Variants in CADPS observed in about 807,000 individuals in gnomAD.
CADPS encodes the protein calcium dependent secretion activator, also known as calcium-dependent secretion activator 1.
CADPS carries 57 observed loss-of-function variants against 167.3 expected under a neutral mutation model. The ratio of observed to expected loss-of-function variants is 0.34; its 90% CI spans 0.28 to 0.42. The LOEUF is 0.42. CADPS is among the 20% of genes least tolerant of loss of function. CADPS has a pLI of 1.00. For missense variants in CADPS, 1,414 were observed against 1,738.1 expected (o/e 0.81, Z 3.32); for synonymous variants, 676 against 635.3 (o/e 1.06, Z -0.96).
intron 1 of CADPS, among the ~76,000 whole-genome samples, chr3:62,859,345 G>A (rs938471478): frequency 6.6e-6 from 1 of 152,106 alleles, no homozygotes; most frequent in African/African-American, 2.4e-5. Context: ...CAAGCAAATG[G>A]AGGCGGGAAC....
intron 18 of CADPS, among the ~76,000 whole-genome samples, chr3:62,494,669 A>ATTTTTTTTTTTTTT (rs56153630): frequency 1.0e-4 from 12 of 118,606 alleles, no homozygotes; most frequent in African/African-American, 3.1e-4. Context: ...CTTACCAGCA[A>ATTTTTTTTTTTTTT]TTTTTTTTTT....
rs1396368108 is a variant in CADPS at position 62,533,208 on chromosome 3, G to A, written c.2104-150C>T. ...TATTATGTGCCAGCCACTGTGCACA[G>A]CATATTGCGGTTTAGTCCTCACAGT... On this transcript the variant is annotated intron_variant, in intron 12 of 29. Transcript: ENST00000383710. 12 of 629,360 alleles carry A rather than the reference G, an allele frequency of 1.9e-5. No homozygotes were observed. In the Admixed American group the frequency reaches 3.5e-4, roughly 18 times the overall value. The allele number at this position is 629,360 out of a possible 1,614,324, so 39.0% of individuals were successfully genotyped here.
chr3:62,685,917 T>A (rs2077949918), intron 3 of CADPS, among the ~76,000 whole-genome samples: 2 of 152,090 alleles, frequency 1.3e-5, no homozygotes, highest in South Asian at 4.1e-4. Flanking sequence ...GGGACCCCTG[T>A]TTTATAGCAC....
chr3:62,835,484 G>A (rs1433958016), intron 1 of CADPS, among the ~76,000 whole-genome samples: 5 of 152,228 alleles, frequency 3.3e-5, no homozygotes, highest in Admixed American at 3.3e-4. Context: ...AATTGAGCCT[G>A]TGATTGGGTG....
At chr3:62,873,886 T>C (rs1321657245) in intron 1 of CADPS, among the ~76,000 whole-genome samples, 1 of 151,728 alleles carries the variant, frequency 6.6e-6, no homozygotes, top group Non-Finnish European at 1.5e-5. Flanking sequence ...TGCTCTGGGG[T>C]CAGTGAGGAA....
chr3:62,794,642 G>C (rs546913529), intron 1 of CADPS, among the ~76,000 whole-genome samples: 44 of 152,116 alleles, frequency 2.9e-4, no homozygotes, highest in African/African-American at 8.4e-4. Flanking sequence ...AGATGGTAAT[G>C]AAAACTATAA....
At chr3:62,671,739 G>A (rs1179942448) in intron 3 of CADPS, among the ~76,000 whole-genome samples, 1 of 151,918 alleles carries the variant, frequency 6.6e-6, no homozygotes, top group Non-Finnish European at 1.5e-5. Flanking sequence ...GATATTCCGG[G>A]TTGGGGCTCA....
At chr3:62,603,548 G>A (rs2060267849) in intron 6 of CADPS, among the ~76,000 whole-genome samples, 1 of 152,144 alleles carries the variant, frequency 6.6e-6, no homozygotes, top group Non-Finnish European at 1.5e-5. Context: ...CTCACTAACT[G>A]TGTAACCTTG....
In CADPS at chr3:62,874,780, C is replaced by A. The variant is rs2083355448; in HGVS notation, c.250G>T (p.Ala84Ser). 1 of 1,421,844 alleles carries A rather than the reference C, an allele frequency of 7.0e-7. No individual in the cohort carries two copies. Among genetic ancestry groups the A allele is most frequent in the South Asian group, 1.3e-5 (1 of 79,714 alleles). The allele number at this position is 1,421,844 out of a possible 1,614,324, so 88.1% of individuals were successfully genotyped here. A position where few individuals can be genotyped will look rare whatever the true frequency, so the allele number is the denominator to read the frequency against. The change falls in exon 1 of 30, where the codon GCT (alanine) becomes TCT (serine). Residue 84 changes from alanine (A) to serine (S), a missense_variant. By Grantham distance (99) the Ala-to-Ser change is moderately conservative. Around this residue, in one of 6 missense-constraint regions of CADPS, gnomAD observed 522 missense variants for 559.5 expected, o/e 0.93. Coordinates refer to ENST00000383710, the MANE Select transcript of CADPS (RefSeq NM_003716.4). The surrounding 1 kb of genome is among the most constrained non-coding windows in gnomAD (Gnocchi z 7.1). ...GGGCTGGAGGGCCGGCCGCCGCCAG[C>A]GCGGCTGCTGGGTTGCAGCCCCCCG... ...GAGGLQPSSR[A>S]GGGRPSSPSP...
intron 21 of CADPS, among the ~76,000 whole-genome samples, chr3:62,484,101 T>C (rs7629239): frequency 0.16 from 24,658 of 152,148 alleles, 2,877 homozygotes; most frequent in African/African-American, 0.33. Context: ...TTGTAAAATA[T>C]GACATTTCAG....
chr3:62,787,037 T>G (rs1576403092), intron 1 of CADPS, among the ~76,000 whole-genome samples: 1 of 152,320 alleles, frequency 6.6e-6, no homozygotes. Flanking sequence ...CTCATGTCTG[T>G]AATCTCAACA....
At chr3:62,806,614 C>G (rs1224638914) in intron 1 of CADPS, among the ~76,000 whole-genome samples, 1 of 152,048 alleles carries the variant, frequency 6.6e-6, no homozygotes. Flanking sequence ...GTTACTGGTC[C>G]CCTTTATGGT....
At chr3:62,495,310 CA>C (rs2064523150) in intron 18 of CADPS, among the ~76,000 whole-genome samples, 1 of 152,064 alleles carries the variant, frequency 6.6e-6, no homozygotes, top group Non-Finnish European at 1.5e-5. Flanking sequence ...CCAAGAAGAA[CA>C]AAATGATTCT....
intron 11 of CADPS, 131 bp from the exon 12 acceptor site, chr3:62,536,712 A>G (rs2074758974): frequency 2.5e-6 from 2 of 813,998 alleles, no homozygotes; most frequent in Non-Finnish European, 4.0e-6. Flanking sequence ...TCCCACCAAC[A>G]TCCCCAAGAT....
At chr3:62,548,842 C>G (rs534181227) in intron 11 of CADPS, among the ~76,000 whole-genome samples, 1 of 152,346 alleles carries the variant, frequency 6.6e-6, no homozygotes, top group South Asian at 2.1e-4. Flanking sequence ...TGTCTAATGT[C>G]TCTCCTTCTC....
intron 11 of CADPS, among the ~76,000 whole-genome samples, chr3:62,548,141 T>G (rs1305287842): frequency 6.6e-6 from 1 of 152,098 alleles, no homozygotes; most frequent in Non-Finnish European, 1.5e-5. Context: ...TTTCAAGAGG[T>G]TACGATAGGA....
intron 11 of CADPS, among the ~76,000 whole-genome samples, chr3:62,541,566 T>C (rs1025162434): frequency 1.3e-5 from 2 of 152,198 alleles, no homozygotes; most frequent in African/African-American, 2.4e-5. Context: ...GAAACTAGTC[T>C]AAACCTTGCC....
rs946104048 is a variant in CADPS, at chr3:62,420,328, C to A, written c.3778-17143G>T. 2.0e-5 allele frequency among the ~76,000 whole-genome samples: 3 copies of A among 152,178 alleles called. No homozygotes were observed. Among genetic ancestry groups the A allele is most frequent in the Admixed American group, 6.5e-5 (1 of 15,282 alleles). ...TATTTCAATTCAATGAACATGAGCT[C>A]TTTGGGGAATGATTTCTCATAAGGG... On this transcript the variant is annotated intron_variant, in intron 28 of 29. Coordinates refer to ENST00000383710, the MANE Select transcript of CADPS (RefSeq NM_003716.4). This position sits in a 1 kb window ranked among gnomAD's most constrained non-coding sequence, Gnocchi z 4.1.
intron 9 of CADPS, among the ~76,000 whole-genome samples, chr3:62,559,001 T>G (rs901817217): frequency 4.6e-5 from 7 of 152,230 alleles, no homozygotes; most frequent in Non-Finnish European, 2.9e-5. Flanking sequence ...CCAGCTCTGA[T>G]AAGCTGTCCG....
Sources: gnomAD v4.1 joint callset for allele counts (sites outside exome capture counted in the v4.1 genomes callset) on GRCh38, gnomAD v4.1.1 for gene constraint, gnomAD v4.1.1 regional missense constraint, Gnocchi (gnomAD v3.1) non-coding constraint, MANE v1.5 for transcripts, NCBI Gene and HGNC (gene_info 2026-07-23, HGNC 2026-07-21) for gene names.